FRMD4A: variants seen among roughly 807,000 people sequenced by gnomAD.
FRMD4A encodes FERM domain containing 4A.
In FRMD4A, 29 loss-of-function variants were observed where a neutral mutation model predicts 129.1. That is an observed-to-expected ratio of 0.22 (90% CI 0.17 to 0.31). FRMD4A has a LOEUF of 0.31. Ranked by LOEUF, FRMD4A falls within the 10% of genes least tolerant of loss-of-function variation. The pLI is 1.00. For missense variants in FRMD4A, 1,272 were observed against 1,375.8 expected (o/e 0.92, Z 1.19); for synonymous variants, 634 against 571.6 (o/e 1.11, Z -1.56).
chr10:13,741,250 G>A (rs1036770077), intron 9 of FRMD4A, among the ~76,000 whole-genome samples: 5 of 151,968 alleles, frequency 3.3e-5, no homozygotes, highest in African/African-American at 1.2e-4. Flanking sequence ...AGGAGTTTGA[G>A]ACCAGCCTGG....
At chr10:13,902,439 T>C (rs1217838213) in intron 2 of FRMD4A, among the ~76,000 whole-genome samples, 3 of 125,796 alleles carry the variant, frequency 2.4e-5, no homozygotes, top group African/African-American at 9.1e-5. Context: ...TGGAAATTGA[T>C]GGTTAGGCAA....
intron 2 of FRMD4A, among the ~76,000 whole-genome samples, chr10:14,069,806 A>T (rs1465591864): frequency 2.4e-4 from 36 of 152,132 alleles, no homozygotes; most frequent in Admixed American, 2.4e-3. Flanking sequence ...AAGCTTTTTA[A>T]TATTTGCACG....
intron 2 of FRMD4A, among the ~76,000 whole-genome samples, chr10:14,192,771 T>C (rs1000741210): frequency 6.6e-6 from 1 of 152,268 alleles, no homozygotes; most frequent in Non-Finnish European, 1.5e-5. Flanking sequence ...TCTAGGTTAC[T>C]GAATTCTAAA....
chr10:14,243,846 G>A (rs1316745357), intron 2 of FRMD4A, among the ~76,000 whole-genome samples: 1 of 148,896 alleles, frequency 6.7e-6, no homozygotes, highest in Non-Finnish European at 1.5e-5. Flanking sequence ...AAAAAAAAAG[G>A]AGTAGTCAGC....
At chr10:14,050,623 A>G (rs1389642348) in intron 2 of FRMD4A, among the ~76,000 whole-genome samples, 3 of 151,908 alleles carry the variant, frequency 2.0e-5, no homozygotes, top group African/African-American at 4.8e-5. Context: ...GGGAGTTTCA[A>G]TCCCACTCCC....
chr10:14,099,525 G>A (rs943420580), intron 2 of FRMD4A, among the ~76,000 whole-genome samples: 3 of 152,070 alleles, frequency 2.0e-5, no homozygotes, highest in African/African-American at 7.2e-5. Context: ...CCTACAATCA[G>A]CCCTGCAGAA....
chr10:13,918,867 T>TAA (rs199854964), intron 2 of FRMD4A, among the ~76,000 whole-genome samples: 52 of 149,454 alleles, frequency 3.5e-4, no homozygotes, highest in Admixed American at 1.1e-3. Flanking sequence ...TGGTTTTTTG[T>TAA]AAGAAAAAAA....
At chr10:14,231,273 T>A (rs951412041) in intron 2 of FRMD4A, among the ~76,000 whole-genome samples, 4 of 152,132 alleles carry the variant, frequency 2.6e-5, no homozygotes, top group Non-Finnish European at 5.9e-5. Context: ...TGCTGCAGCC[T>A]CACCATCATC....
intron 2 of FRMD4A, among the ~76,000 whole-genome samples, chr10:14,130,840 G>GC (rs1429372607): frequency 6.6e-6 from 1 of 152,152 alleles, no homozygotes; most frequent in Non-Finnish European, 1.5e-5. Flanking sequence ...GTAGCCCCTG[G>GC]CTCTTACTAG....
chr10:13,657,575 G>A, intron 21 of FRMD4A, 53 bp from the exon 22 acceptor site: 1 of 1,477,426 alleles, frequency 6.8e-7, no homozygotes, highest in South Asian at 1.3e-5. Context: ...GCCCAAGGAG[G>A]GGTGCTCCGG....
chr10:14,155,192 G>A (rs192400760), intron 2 of FRMD4A, among the ~76,000 whole-genome samples: 5 of 152,360 alleles, frequency 3.3e-5, no homozygotes, highest in Non-Finnish European at 4.4e-5. Flanking sequence ...CTACTCGGGA[G>A]GCTGAGGCAG....
chr10:13,663,497 G>T lies in FRMD4A; in HGVS notation c.1616C>A (p.Ala539Asp). The T allele has an allele frequency of 6.5e-7, 1 of 1,543,482 alleles. No homozygotes were observed. The highest frequency in any genetic ancestry group is 9.0e-7 in the Non-Finnish European group (1 of 1,115,380). ...ASLIIDDGNIASEDSSLSDAL... is the reference protein window; with the variant it reads ...ASLIIDDGNIDSEDSSLSDAL... ...ATCTGAGAGGGAGCTGTCTTCACTG[G>T]CAATGTTTCCATCTGAGAAGACAAA... Residue 539 changes from alanine to aspartate, a missense_variant, in exon 19 of 25, where the codon GCC (alanine) becomes GAC (aspartate). By Grantham distance (126) the Ala-to-Asp change is moderately radical. Coordinates refer to ENST00000357447, the MANE Select transcript of FRMD4A (RefSeq NM_018027.5).
intron 2 of FRMD4A, among the ~76,000 whole-genome samples, chr10:14,067,009 G>A (rs528820369): frequency 1.3e-5 from 2 of 152,242 alleles, no homozygotes; most frequent in East Asian, 3.9e-4. Flanking sequence ...AATGGAATAA[G>A]TCAAATAGAA....
chr10:13,747,711 C>T (rs747288638), intron 9 of FRMD4A, 25 bp downstream of exon 9: 4 of 1,306,154 alleles, frequency 3.1e-6, no homozygotes, highest in South Asian at 2.4e-5. Context: ...GGACTCGCTC[C>T]TGGGGAAGAC....
At chr10:13,668,852 G>A (rs1419293988) in intron 17 of FRMD4A, among the ~76,000 whole-genome samples, 5 of 152,024 alleles carry the variant, frequency 3.3e-5, no homozygotes, top group South Asian at 2.1e-4. Context: ...CAATCCCTCC[G>A]TCCCCTGCAG....
At chr10:13,813,360 G>A (rs1380403319) in intron 3 of FRMD4A, among the ~76,000 whole-genome samples, 2 of 152,210 alleles carry the variant, frequency 1.3e-5, no homozygotes, top group Non-Finnish European at 2.9e-5. Flanking sequence ...CAGAGCTCTT[G>A]AACCTGGGAG....
chr10:14,097,235 T>C (rs917773401), intron 2 of FRMD4A: 1 of 150,964 alleles, frequency 6.6e-6, no homozygotes, highest in Non-Finnish European at 1.5e-5. Flanking sequence ...TCTCTATCTA[T>C]AGTAAATTTT....
intron 11 of FRMD4A, among the ~76,000 whole-genome samples, chr10:13,738,765 C>T (rs2090804755): frequency 1.3e-5 from 2 of 152,116 alleles, no homozygotes. Context: ...GGATTACAGG[C>T]ACGTGCCACC....
Position 14,074,349 on chromosome 10 carries a change from T to C in FRMD4A, c.46-215437A>G, listed in dbSNP as rs551489555. On this transcript the variant is annotated intron_variant, in intron 2 of 24. Transcript: ENST00000357447. ...TCCAGACCTGAGGGTCAGATTCAGA[T>C]GGTGCAAATGTTTAAGACCTGGGTC... 4 of 152,296 alleles carry C rather than the reference T, an allele frequency of 2.6e-5. No individual in the cohort carries two copies. In the South Asian group the frequency reaches 8.3e-4, roughly 32 times the overall value. The allele number at this position is 152,296 out of a possible 1,614,324, so 9.4% of individuals were successfully genotyped here.
Sources: gnomAD v4.1 joint callset for allele counts (sites outside exome capture counted in the v4.1 genomes callset) on GRCh38, gnomAD v4.1.1 for gene constraint, MANE v1.5 for transcripts, NCBI Gene and HGNC (gene_info 2026-07-23, HGNC 2026-07-21) for gene names.